AGK: variants seen among roughly 807,000 people sequenced by gnomAD.
The protein encoded by AGK is acylglycerol kinase, mitochondrial.
In AGK, 52 loss-of-function variants were observed where a neutral mutation model predicts 66.4. The ratio of observed to expected loss-of-function variants is 0.78; its 90% CI spans 0.63 to 0.99. AGK has a LOEUF of 0.99. Ranked by LOEUF, AGK falls within the 50% of genes least tolerant of loss-of-function variation. The pLI is 0.00. For missense variants in AGK, 451 were observed against 506.6 expected (o/e 0.89, Z 1.05); for synonymous variants, 182 against 181.1 (o/e 1.00, Z -0.04).
At chr7:141,605,646 C>G (rs188262626) in intron 5 of AGK, among the ~76,000 whole-genome samples, 12 of 152,310 alleles carry the variant, frequency 7.9e-5, no homozygotes, top group Middle Eastern at 6.8e-3. Context: ...GGAATTGTAG[C>G]ACTTCACATA....
rs185747567 is a variant in AGK, at chr7:141,625,899, G to A, written c.588+4098G>A. 3.4e-3 allele frequency among the ~76,000 whole-genome samples: 511 copies of A among 152,048 alleles called. 5 individuals are homozygous for A. Among genetic ancestry groups the A allele is most frequent in the African/African-American group, 0.012 (486 of 41,494 alleles). On this transcript the variant is annotated intron_variant, in intron 9 of 15. Coordinates refer to ENST00000649286, the MANE Select transcript of AGK (RefSeq NM_018238.4). ...TTTTTAGGGTGGGACTATGTTCTTCGTACTTTCCTGCATGCTAGGTGGGAA... is the reference window on the plus strand; with the variant it reads ...TTTTTAGGGTGGGACTATGTTCTTCATACTTTCCTGCATGCTAGGTGGGAA...
intron 2 of AGK, among the ~76,000 whole-genome samples, chr7:141,584,881 T>C (rs1477356734): frequency 6.6e-6 from 1 of 152,154 alleles, no homozygotes; most frequent in East Asian, 1.9e-4. Flanking sequence ...CCACTTAATA[T>C]ATGGTTGTCA....
chr7:141,630,353 A>G (rs1215390376), intron 9 of AGK, among the ~76,000 whole-genome samples: 1 of 152,184 alleles, frequency 6.6e-6, no homozygotes, highest in Non-Finnish European at 1.5e-5. Flanking sequence ...TCTATTGCAC[A>G]GCAGGGTGAC....
chr7:141,649,589 A>G (rs552123438), intron 14 of AGK, among the ~76,000 whole-genome samples: 8 of 152,254 alleles, frequency 5.3e-5, no homozygotes, highest in African/African-American at 1.2e-4. Flanking sequence ...TCAATGGAGC[A>G]TGACACAGCG....
At chr7:141,577,782 C>T (rs541099877) in intron 2 of AGK, among the ~76,000 whole-genome samples, 1 of 151,990 alleles carries the variant, frequency 6.6e-6, no homozygotes, top group East Asian at 1.9e-4. Context: ...TCAAGTTGTC[C>T]TGCCCTTCCA....
At chr7:141,605,574 ATT>A (rs1258799653) in intron 5 of AGK, among the ~76,000 whole-genome samples, 2 of 152,120 alleles carry the variant, frequency 1.3e-5, no homozygotes. Flanking sequence ...TGTTTTCATT[ATT>A]TTACTCAGTA....
chr7:141,623,116 A>G (rs1796859622), intron 9 of AGK, among the ~76,000 whole-genome samples: 1 of 152,086 alleles, frequency 6.6e-6, no homozygotes, highest in Admixed American at 6.5e-5. Context: ...GCAGTGGCTC[A>G]TGCCTGTAAT....
rs545294417 is a variant in AGK at position 141,573,670 on chromosome 7, C to T, written c.101+18103C>T. Among the ~76,000 whole-genome samples, 4 of 152,250 alleles carry T rather than the reference C, an allele frequency of 2.6e-5. No homozygotes were observed. The South Asian group carries it at 8.3e-4, about 32-fold the overall frequency. ...GGCCGGAAGTTGTCCAGATCTGTCACGTATTCTGGAACCCAAAGTAAATAT... is the reference window on the plus strand; with the variant it reads ...GGCCGGAAGTTGTCCAGATCTGTCATGTATTCTGGAACCCAAAGTAAATAT... On this transcript the variant is annotated intron_variant, in intron 2 of 15. Coordinates refer to ENST00000649286, the MANE Select transcript of AGK (RefSeq NM_018238.4).
intron 2 of AGK, among the ~76,000 whole-genome samples, chr7:141,579,502 T>A (rs1795836832): frequency 6.6e-6 from 1 of 151,826 alleles, no homozygotes; most frequent in South Asian, 2.1e-4. Flanking sequence ...ACCCATCTAG[T>A]GAAAGTGTCT....
At chr7:141,610,810 A>C (rs1562972289) in intron 5 of AGK, among the ~76,000 whole-genome samples, 1 of 152,228 alleles carries the variant, frequency 6.6e-6, no homozygotes, top group Non-Finnish European at 1.5e-5. Flanking sequence ...GGGCTCTGAC[A>C]TCTGTGCTCT....
intron 8 of AGK, among the ~76,000 whole-genome samples, chr7:141,619,134 A>G (rs1232513223): frequency 6.6e-6 from 1 of 152,184 alleles, no homozygotes; most frequent in Non-Finnish European, 1.5e-5. Context: ...CAACTGATCT[A>G]TAAATTCAAT....
intron 2 of AGK, among the ~76,000 whole-genome samples, chr7:141,557,706 G>A (rs563549812): frequency 1.3e-5 from 2 of 152,312 alleles, no homozygotes; most frequent in East Asian, 3.9e-4. Flanking sequence ...GCAGCCTGGA[G>A]GCCTCATTTT....
intron 8 of AGK, among the ~76,000 whole-genome samples, chr7:141,618,926 G>T (rs998570225): frequency 1.3e-5 from 2 of 152,054 alleles, no homozygotes; most frequent in African/African-American, 4.8e-5. Context: ...TGTAACAATA[G>T]AGGCAATAGG....
chr7:141,603,062 G>A (rs1195912032), intron 5 of AGK, among the ~76,000 whole-genome samples: 4 of 152,122 alleles, frequency 2.6e-5, no homozygotes, highest in Non-Finnish European at 5.9e-5. Context: ...CATGTGCTCT[G>A]TTTTCATAAA....
At chr7:141,643,214 A>G (rs1261731419) in intron 13 of AGK, among the ~76,000 whole-genome samples, 1 of 152,234 alleles carries the variant, frequency 6.6e-6, no homozygotes, top group Non-Finnish European at 1.5e-5. Flanking sequence ...CACCCTATAA[A>G]AAAAATTCTA....
chr7:141,566,731 C>T (rs968296988), intron 2 of AGK, among the ~76,000 whole-genome samples: 1 of 152,172 alleles, frequency 6.6e-6, no homozygotes, highest in Non-Finnish European at 1.5e-5. Context: ...CCTGTTCAGC[C>T]CCTCTGACTC....
At chr7:141,571,076 A>G (rs1425105986) in intron 2 of AGK, among the ~76,000 whole-genome samples, 1 of 152,186 alleles carries the variant, frequency 6.6e-6, no homozygotes, top group Non-Finnish European at 1.5e-5. Context: ...ACTTTATTTA[A>G]AATTGTGTTA....
chr7:141,608,824 G>A (rs2116948869), intron 5 of AGK, among the ~76,000 whole-genome samples: 1 of 152,294 alleles, frequency 6.6e-6, no homozygotes, highest in African/African-American at 2.4e-5. Context: ...AAGACCTGAT[G>A]TAATGTGTCT....
chr7:141,592,869 A>G (rs1373867526), intron 2 of AGK, among the ~76,000 whole-genome samples: 4 of 150,686 alleles, frequency 2.7e-5, no homozygotes, highest in Admixed American at 6.6e-5. Flanking sequence ...ATGCCCGGCT[A>G]ATTTTTGTAT....
Sources: gnomAD v4.1 joint callset for allele counts (sites outside exome capture counted in the v4.1 genomes callset) on GRCh38, gnomAD v4.1.1 for gene constraint, MANE v1.5 for transcripts, NCBI Gene and HGNC (gene_info 2026-07-23, HGNC 2026-07-21) for gene names.